The following DYM variants were observed in gnomAD, a reference collection of about 807,000 sequenced individuals.
The protein encoded by DYM is dymeclin.
In DYM, 78 loss-of-function variants were observed where a neutral mutation model predicts 93.1. The observed-to-expected ratio is 0.84, with a 90% CI of 0.70 to 1.01. The LOEUF is 1.01. Among genes scored for constraint, DYM ranks in the 50% least tolerant of loss-of-function variants. The pLI, the probability that DYM is intolerant of heterozygous loss-of-function variation, is 0.00. For synonymous variants in DYM, 321 were observed against 319.7 expected (o/e 1.00, Z -0.04); for missense variants, 789 against 845.0 (o/e 0.93, Z 0.82).
intron 8 of DYM, among the ~76,000 whole-genome samples, chr18:49,317,580 TCTCTCTCTCTCTCTCTCCCCC>T (rs1458481965): frequency 2.6e-4 from 3 of 11,742 alleles, no homozygotes; most frequent in East Asian, 2.1e-3. Flanking sequence ...TCTCTCTCTC[TCTCTCTCTCTCTCTCTCCCCC>T]CTCCCCCCTC....
intron 1 of DYM, among the ~76,000 whole-genome samples, chr18:49,441,209 T>TA (rs1457918179): frequency 1.2e-4 from 5 of 41,406 alleles, no homozygotes; most frequent in Non-Finnish European, 1.2e-4. Flanking sequence ...ATATATTATA[T>TA]ATATTATATA....
intron 2 of DYM, among the ~76,000 whole-genome samples, chr18:49,398,392 A>T (rs1310705671): frequency 6.6e-6 from 1 of 152,184 alleles, no homozygotes; most frequent in African/African-American, 2.4e-5. Context: ...ACAGCTGACT[A>T]GTCCAGGGAT....
intron 15 of DYM, among the ~76,000 whole-genome samples, chr18:49,140,865 T>C (rs77942889): frequency 0.018 from 2,749 of 152,328 alleles, 89 homozygotes; most frequent in African/African-American, 0.061. Context: ...TGTCAGTTTA[T>C]ACTATTCAAA....
intron 16 of DYM, among the ~76,000 whole-genome samples, chr18:49,098,831 T>C (rs2079830024): frequency 6.6e-6 from 1 of 152,200 alleles, no homozygotes; most frequent in Admixed American, 6.5e-5. Context: ...AGTGAATAAA[T>C]ATCTGAAAAA....
chr18:49,173,481 T>C (rs900977573), intron 14 of DYM, among the ~76,000 whole-genome samples: 2 of 152,112 alleles, frequency 1.3e-5, no homozygotes, highest in East Asian at 1.9e-4. Flanking sequence ...CAATGTTTTA[T>C]AGTTTTCAGT....
intron 11 of DYM, among the ~76,000 whole-genome samples, chr18:49,269,472 A>C (rs1304092944): frequency 6.6e-6 from 1 of 152,220 alleles, no homozygotes; most frequent in Non-Finnish European, 1.5e-5. Flanking sequence ...AAGGAAAATG[A>C]AATCACCACC....
chr18:49,226,698 T>C (rs1050676045), intron 13 of DYM, among the ~76,000 whole-genome samples: 1 of 152,152 alleles, frequency 6.6e-6, no homozygotes, highest in Non-Finnish European at 1.5e-5. Flanking sequence ...TTAGATTTGT[T>C]TACAACTTAC....
chr18:49,225,634 A>G (rs1055102845), intron 13 of DYM, among the ~76,000 whole-genome samples: 1 of 152,140 alleles, frequency 6.6e-6, no homozygotes, highest in Non-Finnish European at 1.5e-5. Flanking sequence ...GAAATTCAGA[A>G]TAAGAAATTC....
chr18:49,367,570 T>TA (rs1409682346), intron 5 of DYM, among the ~76,000 whole-genome samples: 1 of 152,044 alleles, frequency 6.6e-6, no homozygotes, highest in African/African-American at 2.4e-5. Context: ...GGGAAGACAG[T>TA]AAAAAAATTA....
chr18:49,096,437 A>G (rs942630762), intron 17 of DYM, among the ~76,000 whole-genome samples: 1 of 152,240 alleles, frequency 6.6e-6, no homozygotes, highest in African/African-American at 2.4e-5. Context: ...TGAAAAACAT[A>G]GCCCCCAAAA....
intron 13 of DYM, among the ~76,000 whole-genome samples, chr18:49,245,919 C>T (rs997924079): frequency 3.3e-5 from 5 of 152,318 alleles, no homozygotes; most frequent in Admixed American, 2.6e-4. Flanking sequence ...CCAGCCGACA[C>T]TTAGGAAAAA....
At chr18:49,046,146 C>T (rs2071486061) in intron 17 of DYM, among the ~76,000 whole-genome samples, 1 of 149,268 alleles carries the variant, frequency 6.7e-6, no homozygotes, top group African/African-American at 2.5e-5. Context: ...TAGACACACA[C>T]ACAGACACAC....
intron 17 of DYM, among the ~76,000 whole-genome samples, chr18:49,059,057 T>C (rs1415685029): frequency 6.6e-6 from 1 of 152,248 alleles, no homozygotes; most frequent in Non-Finnish European, 1.5e-5. Context: ...ACATCTTCTA[T>C]GGTTTCTACC....
At chr18:49,109,739 C>T (rs1480557945) in intron 16 of DYM, among the ~76,000 whole-genome samples, 1 of 152,210 alleles carries the variant, frequency 6.6e-6, no homozygotes, top group Non-Finnish European at 1.5e-5. Context: ...GAACCCTGAG[C>T]TTAGGGAACC....
chr18:49,364,254 G>T (rs902728159), intron 5 of DYM, among the ~76,000 whole-genome samples: 6 of 152,100 alleles, frequency 3.9e-5, no homozygotes, highest in African/African-American at 1.2e-4. Flanking sequence ...AGACCAGCCT[G>T]GCCAACATGG....
chr18:49,212,309 T>A (rs1257930242), intron 13 of DYM, among the ~76,000 whole-genome samples: 1 of 152,160 alleles, frequency 6.6e-6, no homozygotes, highest in Non-Finnish European at 1.5e-5. Flanking sequence ...TTTCCTGATT[T>A]TGAAAAATAT....
chr18:49,157,637 G>C (rs1600216100), intron 15 of DYM, among the ~76,000 whole-genome samples: 1 of 152,032 alleles, frequency 6.6e-6, no homozygotes, highest in East Asian at 1.9e-4. Flanking sequence ...TTTTATTATT[G>C]ATCTCTTCAC....
intron 13 of DYM, among the ~76,000 whole-genome samples, chr18:49,210,836 A>T (rs2092745401): frequency 6.6e-6 from 1 of 152,146 alleles, no homozygotes; most frequent in African/African-American, 2.4e-5. Context: ...TGAACCTAAA[A>T]CTGCTCTTTA....
intron 2 of DYM, among the ~76,000 whole-genome samples, chr18:49,404,753 C>T (rs1432917035): frequency 2.0e-5 from 3 of 152,126 alleles, no homozygotes; most frequent in African/African-American, 7.2e-5. Flanking sequence ...GGCATGGTGG[C>T]TCACGCCTGT....
Sources: allele counts gnomAD v4.1 joint callset (sites outside exome capture counted in the v4.1 genomes callset), GRCh38; gene constraint gnomAD v4.1.1; transcripts MANE v1.5; gene names NCBI Gene and HGNC (gene_info 2026-07-23, HGNC 2026-07-21).